SPMIP1: variants seen among roughly 807,000 people sequenced by gnomAD.
SPMIP1 encodes the protein protein SPMIP1.
At chr7:128,868,622 C>T in the SPMIP1 span, 1 of 1,315,478 alleles carries the variant, frequency 7.6e-7, no homozygotes, top group Non-Finnish European at 1.1e-6. Context: ...TCTGCGTGTC[C>T]CTCCCTCAGG....
At chr7:128,867,582 TTTTC>T in the SPMIP1 span, among the ~76,000 whole-genome samples, 7 of 151,682 alleles carry the variant, frequency 4.6e-5, no homozygotes, top group Non-Finnish European at 1.0e-4. Context: ...TTTTTTTTCT[TTTTC>T]TTTTTGAAAC....
chr7:128,868,037 C>T, the SPMIP1 span, among the ~76,000 whole-genome samples: 1 of 152,096 alleles, frequency 6.6e-6, no homozygotes, highest in African/African-American at 2.4e-5. Context: ...AGGCCATCAG[C>T]GGGGAGGGAG....
the SPMIP1 span, chr7:128,871,616 G>A: frequency 1.3e-5 from 2 of 152,194 alleles, no homozygotes; most frequent in African/African-American, 2.4e-5. Context: ...ATAAAAACCA[G>A]TTAAAAGGGA....
the SPMIP1 span, chr7:128,866,566 C>G: frequency 9.1e-6 from 14 of 1,535,840 alleles, 1 homozygote; most frequent in South Asian, 1.7e-4. Flanking sequence ...GCCCCTCAAA[C>G]TGCCCACCCT....
the SPMIP1 span, chr7:128,871,350 T>G: frequency 6.6e-6 from 1 of 152,334 alleles, no homozygotes; most frequent in Admixed American, 6.5e-5. Flanking sequence ...ACTCCCACTT[T>G]GCCCTGGTGT....
chr7:128,866,767 G>C, the SPMIP1 span: 2 of 1,536,068 alleles, frequency 1.3e-6, no homozygotes, highest in East Asian at 4.9e-5. Flanking sequence ...TCGAAAACTG[G>C]ACATGCCAGA....
chr7:128,866,416 C>T, the SPMIP1 span: 50,444 of 1,519,348 alleles, frequency 0.033, 1,001 homozygotes, highest in Non-Finnish European at 0.036. Context: ...CACCATGTCA[C>T]GGCAGCTCAA....
At chr7:128,867,550 G>A in the SPMIP1 span, among the ~76,000 whole-genome samples, 1 of 151,980 alleles carries the variant, frequency 6.6e-6, no homozygotes, top group African/African-American at 2.4e-5. Flanking sequence ...AAATTCGGAG[G>A]TCATTGGAAT....
the SPMIP1 span, chr7:128,866,755 A>T: frequency 6.5e-7 from 1 of 1,535,740 alleles, no homozygotes. Flanking sequence ...CTACCTCAAC[A>T]CTCGAAAACT....
the SPMIP1 span, among the ~76,000 whole-genome samples, chr7:128,868,222 A>G: frequency 1.3e-5 from 2 of 152,238 alleles, no homozygotes; most frequent in Non-Finnish European, 2.9e-5. Context: ...TGTCTTGCAG[A>G]AAAGGTGGAT....
chr7:128,870,998 TGTAAGGAGCCTGA>T, the SPMIP1 span: 1 of 152,312 alleles, frequency 6.6e-6, no homozygotes, highest in Non-Finnish European at 1.5e-5. Context: ...GTTGAGCTCT[TGTAAGGAGCCTGA>T]GGAAGAAAGA....
At chr7:128,867,430 C>T in the SPMIP1 span, among the ~76,000 whole-genome samples, 4 of 152,212 alleles carry the variant, frequency 2.6e-5, no homozygotes, top group East Asian at 1.9e-4. Context: ...AGGGCTGGAG[C>T]GTGCATGAAC....
chr7:128,871,425 C>G, the SPMIP1 span: 3 of 152,222 alleles, frequency 2.0e-5, no homozygotes, highest in South Asian at 2.1e-4. Context: ...TTCAGAAAAA[C>G]CTTCCTTAGC....
At chr7:128,868,084 G>A in the SPMIP1 span, among the ~76,000 whole-genome samples, 1 of 152,230 alleles carries the variant, frequency 6.6e-6, no homozygotes, top group Non-Finnish European at 1.5e-5. Flanking sequence ...AGATGAAGAG[G>A]AAAGGTGTGG....
the SPMIP1 span, among the ~76,000 whole-genome samples, chr7:128,868,243 T>C: frequency 2.0e-5 from 3 of 152,252 alleles, no homozygotes; most frequent in Non-Finnish European, 4.4e-5. Context: ...GGTTGGGGAT[T>C]GACTCAGTTG....
the SPMIP1 span, chr7:128,869,931 C>T: frequency 4.0e-5 from 5 of 124,146 alleles, no homozygotes; most frequent in African/African-American, 1.9e-4. Flanking sequence ...CGGAGAGCCC[C>T]GAGGAGCCCC....
chr7:128,869,929 C>T, the SPMIP1 span: 2 of 124,146 alleles, frequency 1.6e-5, no homozygotes, highest in Middle Eastern at 3.4e-3. Flanking sequence ...CCCGGAGAGC[C>T]CCGAGGAGCC....
the SPMIP1 span, among the ~76,000 whole-genome samples, chr7:128,867,692 C>T: frequency 6.6e-6 from 1 of 152,314 alleles, no homozygotes; most frequent in African/African-American, 2.4e-5. Context: ...CTGCCTCAGC[C>T]TCCCGAGTAG....
the SPMIP1 span, among the ~76,000 whole-genome samples, chr7:128,867,957 C>G: frequency 0.29 from 43,514 of 151,958 alleles, 9,135 homozygotes; most frequent in African/African-American, 0.58. Flanking sequence ...TGAGCCAGAG[C>G]GGGTAGGGGA....
Sources: allele counts gnomAD v4.1 joint callset (sites outside exome capture counted in the v4.1 genomes callset), GRCh38; gene constraint gnomAD v4.1.1; transcripts MANE v1.5; gene names NCBI Gene and HGNC (gene_info 2026-07-23, HGNC 2026-07-21).